GPR39: variants seen among roughly 807,000 people sequenced by gnomAD.
The protein encoded by GPR39 is zinc sensing receptor.
A neutral mutation model predicts 18.4 loss-of-function variants in GPR39; 23 were observed. That is an observed-to-expected ratio of 1.25 (90% CI 0.90 to 1.77). GPR39 has a LOEUF of 1.77. GPR39 is among the 40% of genes most tolerant of loss of function. GPR39 has a pLI of 0.00. For synonymous variants in GPR39, 280 were observed against 257.9 expected (o/e 1.09, Z -0.82); for missense variants, 647 against 602.4 (o/e 1.07, Z -0.78).
intron 1 of GPR39, among the ~76,000 whole-genome samples, chr2:132,613,058 A>G (rs1681263728): frequency 6.6e-6 from 1 of 152,206 alleles, no homozygotes; most frequent in African/African-American, 2.4e-5. Context: ...TTAAAATGCT[A>G]TTATGAACTG....
intron 1 of GPR39, among the ~76,000 whole-genome samples, chr2:132,462,460 A>T (rs1293365947): frequency 6.6e-6 from 1 of 152,216 alleles, no homozygotes; most frequent in East Asian, 1.9e-4. Context: ...AAGGGGGCAG[A>T]GTAGGGAGGG....
At chr2:132,552,521 C>T (rs1558836719) in intron 1 of GPR39, among the ~76,000 whole-genome samples, 1 of 152,072 alleles carries the variant, frequency 6.6e-6, no homozygotes, top group Non-Finnish European at 1.5e-5. Flanking sequence ...GCCAATTAAA[C>T]CTGTTTTCTT....
rs188094369 is a variant in GPR39, at chr2:132,444,395, G to A, written c.856+26497G>A. ...TCGCCTCAACTCTTGGGCTCAAGCC[G>A]TCTTCCCACCTCAGTCTCCCAAGTA... is the stretch of plus-strand genomic sequence containing the variant. On this transcript the variant is annotated intron_variant, in intron 1 of 1. Transcript: ENST00000329321. 3.6e-4 allele frequency among the ~76,000 whole-genome samples: 55 copies of A among 152,112 alleles called. No homozygotes were observed. The East Asian group carries it at 6.4e-3, about 18-fold the overall frequency.
At chr2:132,437,831 G>A (rs1680354393) in intron 1 of GPR39, among the ~76,000 whole-genome samples, 1 of 152,194 alleles carries the variant, frequency 6.6e-6, no homozygotes, top group South Asian at 2.1e-4. Flanking sequence ...TGTATGTAGG[G>A]AGCATAGATT....
intron 1 of GPR39, among the ~76,000 whole-genome samples, chr2:132,543,599 A>C (rs1010814101): frequency 6.6e-6 from 1 of 152,178 alleles, no homozygotes; most frequent in African/African-American, 2.4e-5. Flanking sequence ...TTCATGAGAG[A>C]TATAGAAACC....
intron 1 of GPR39, among the ~76,000 whole-genome samples, chr2:132,545,383 G>A (rs1679926849): frequency 6.6e-6 from 1 of 152,212 alleles, no homozygotes; most frequent in African/African-American, 2.4e-5. Flanking sequence ...GGAAGGTGAT[G>A]TGATTTCAGG....
chr2:132,422,717 G>C (rs372131017), intron 1 of GPR39, among the ~76,000 whole-genome samples: 9 of 151,978 alleles, frequency 5.9e-5, no homozygotes, highest in African/African-American at 2.2e-4. Context: ...CCCTATTTGT[G>C]ATAGCTTTCA....
intron 1 of GPR39, among the ~76,000 whole-genome samples, chr2:132,539,869 A>C (rs549134472): frequency 1.9e-4 from 29 of 152,298 alleles, no homozygotes; most frequent in Admixed American, 3.3e-4. Context: ...GACTACCTTT[A>C]GAAAATACGG....
chr2:132,557,037 C>T (rs1317271440), intron 1 of GPR39, among the ~76,000 whole-genome samples: 1 of 151,950 alleles, frequency 6.6e-6, no homozygotes, highest in Non-Finnish European at 1.5e-5. Context: ...AACTTATGGC[C>T]AGGTATGGTG....
intron 1 of GPR39, among the ~76,000 whole-genome samples, chr2:132,506,466 A>G (rs1377067594): frequency 6.6e-6 from 1 of 152,000 alleles, no homozygotes; most frequent in Non-Finnish European, 1.5e-5. Context: ...TAGCCATTGT[A>G]TTAGTCCATT....
intron 1 of GPR39, among the ~76,000 whole-genome samples, chr2:132,583,054 T>C (rs950475360): frequency 2.0e-5 from 3 of 150,834 alleles, no homozygotes; most frequent in African/African-American, 7.3e-5. Flanking sequence ...CCTGCCACCA[T>C]ACCCAGCTAA....
chr2:132,484,922 C>T (rs2104791519), intron 1 of GPR39, among the ~76,000 whole-genome samples: 1 of 152,276 alleles, frequency 6.6e-6, no homozygotes, highest in African/African-American at 2.4e-5. Flanking sequence ...TCACTTGTAT[C>T]CAAGACCTCA....
At chr2:132,460,613 A>G (rs532139019) in intron 1 of GPR39, among the ~76,000 whole-genome samples, 1 of 152,292 alleles carries the variant, frequency 6.6e-6, no homozygotes, top group East Asian at 1.9e-4. Flanking sequence ...TGCTTTTCCA[A>G]ATTAAAAAAG....
At chr2:132,422,004 T>G (rs997958486) in intron 1 of GPR39, among the ~76,000 whole-genome samples, 3 of 152,162 alleles carry the variant, frequency 2.0e-5, no homozygotes, top group Admixed American at 2.0e-4. Context: ...GAAAAGAAAT[T>G]TATTTGTATG....
At chr2:132,610,636 G>C (rs1681221608) in intron 1 of GPR39, among the ~76,000 whole-genome samples, 1 of 151,988 alleles carries the variant, frequency 6.6e-6, no homozygotes. Flanking sequence ...AATTAGCCAG[G>C]TGTGGTGGCA....
chr2:132,525,242 C>G (rs1679487600), intron 1 of GPR39, among the ~76,000 whole-genome samples: 1 of 152,198 alleles, frequency 6.6e-6, no homozygotes, highest in Non-Finnish European at 1.5e-5. Flanking sequence ...AGGATTGATT[C>G]AGAGCACGAG....
At chr2:132,629,015 G>A (rs1451785001) in intron 1 of GPR39, among the ~76,000 whole-genome samples, 6 of 152,096 alleles carry the variant, frequency 3.9e-5, no homozygotes, top group African/African-American at 1.4e-4. Flanking sequence ...GTATCTGGGA[G>A]GTTCTAAAAA....
At chr2:132,463,424 CT>C (rs552814465) in intron 1 of GPR39, among the ~76,000 whole-genome samples, 4,548 of 133,730 alleles carry the variant, frequency 0.034, 161 homozygotes, top group African/African-American at 0.1. Context: ...AGAGTCGGGT[CT>C]TTTTTTTTTT....
chr2:132,495,871 T>C (rs886993632), intron 1 of GPR39, among the ~76,000 whole-genome samples: 2 of 151,818 alleles, frequency 1.3e-5, no homozygotes, highest in African/African-American at 4.8e-5. Flanking sequence ...TAGTCTTACC[T>C]GTAAAGACTT....
Sources: allele counts gnomAD v4.1 joint callset (sites outside exome capture counted in the v4.1 genomes callset), GRCh38; gene constraint gnomAD v4.1.1; transcripts MANE v1.5; gene names NCBI Gene and HGNC (gene_info 2026-07-23, HGNC 2026-07-21).